Variants in ZNF277 observed in about 807,000 individuals in gnomAD.
The protein encoded by ZNF277 is zinc finger protein 277.
A neutral mutation model predicts 60.7 loss-of-function variants in ZNF277; 55 were observed. That is an observed-to-expected ratio of 0.91 (90% confidence interval 0.73 to 1.13). ZNF277 has a LOEUF of 1.13. Ranked by LOEUF, ZNF277 falls within the 50% of genes most tolerant of loss-of-function variation. The probability of loss-of-function intolerance (pLI) is 0.00; values close to 1 mark genes in which losing one functional copy is unlikely to be tolerated. For missense variants in ZNF277, 510 were observed against 523.0 expected, an observed-to-expected ratio of 0.98 and a Z score of 0.24; for synonymous variants, 178 against 179.3, an observed-to-expected ratio of 0.99 and a Z score of 0.06.
intron 2 of ZNF277, among the ~76,000 whole-genome samples, chr7:112,289,356 C>G (rs1005611700): frequency 6.6e-6 from 1 of 152,148 alleles, no homozygotes; most frequent in Admixed American, 6.6e-5. Context: ...TGCCTTATAT[C>G]GACTCAGCAC....
intron 1 of ZNF277, among the ~76,000 whole-genome samples, chr7:112,237,999 G>A (rs1341220856): frequency 6.6e-6 from 1 of 152,152 alleles, no homozygotes; most frequent in Non-Finnish European, 1.5e-5. Flanking sequence ...AGGAGGCTGA[G>A]GAAGATGGAT....
chr7:112,258,421 T>A (rs1791372285), intron 1 of ZNF277, among the ~76,000 whole-genome samples: 2 of 152,182 alleles, frequency 1.3e-5, no homozygotes, highest in South Asian at 2.1e-4. Flanking sequence ...CAGAATATAC[T>A]TGTACTATGC....
chr7:112,231,656 G>A (rs1455105613), intron 1 of ZNF277, among the ~76,000 whole-genome samples: 1 of 149,934 alleles, frequency 6.7e-6, no homozygotes, highest in Non-Finnish European at 1.5e-5. Context: ...ATACTCCATT[G>A]CCTATGAGTG....
chr7:112,219,274 T>TTG (rs1821965984), intron 1 of ZNF277, among the ~76,000 whole-genome samples: 1 of 152,204 alleles, frequency 6.6e-6, no homozygotes, highest in African/African-American at 2.4e-5. Context: ...TTTGGGGTCG[T>TTG]GTACAAAAAA....
At chr7:112,275,352 G>C (rs1791768720) in intron 1 of ZNF277, among the ~76,000 whole-genome samples, 2 of 152,148 alleles carry the variant, frequency 1.3e-5, no homozygotes, top group African/African-American at 4.8e-5. Context: ...AGTATCTTCA[G>C]TAGTGCACAG....
At chr7:112,220,138 C>G (rs967157775) in intron 1 of ZNF277, among the ~76,000 whole-genome samples, 2 of 152,182 alleles carry the variant, frequency 1.3e-5, no homozygotes, top group African/African-American at 4.8e-5. Flanking sequence ...CTGTAGATCA[C>G]TTTGAGTACT....
At chr7:112,309,047 G>C (rs1792663868) in intron 4 of ZNF277, among the ~76,000 whole-genome samples, 1 of 152,032 alleles carries the variant, frequency 6.6e-6, no homozygotes, top group Non-Finnish European at 1.5e-5. Flanking sequence ...GTATAAGAGA[G>C]GGTACCTTTT....
chr7:112,240,207 A>C (rs1309532825), intron 1 of ZNF277, among the ~76,000 whole-genome samples: 1 of 152,198 alleles, frequency 6.6e-6, no homozygotes, highest in Admixed American at 6.5e-5. Context: ...GGAAGACTAC[A>C]AAACAATCAG....
chr7:112,314,683 C>T (rs1362885117), intron 4 of ZNF277, among the ~76,000 whole-genome samples: 3 of 152,042 alleles, frequency 2.0e-5, no homozygotes, highest in South Asian at 4.2e-4. Context: ...GTAGTCCCAG[C>T]TACTTGGGAT....
At chr7:112,254,673 A>G (rs1331304488) in intron 1 of ZNF277, among the ~76,000 whole-genome samples, 2 of 152,230 alleles carry the variant, frequency 1.3e-5, no homozygotes, top group African/African-American at 4.8e-5. Context: ...AAGTGTAAGA[A>G]AAAGCCAAGT....
intron 1 of ZNF277, among the ~76,000 whole-genome samples, chr7:112,285,434 A>C (rs868623893): frequency 7.8e-6 from 1 of 127,510 alleles, no homozygotes; most frequent in African/African-American, 3.1e-5. Context: ...AAAATAGGAA[A>C]TTTTTTTTTT....
In ZNF277 at chr7:112,296,216, A is replaced by C; in HGVS notation, c.383-13A>C. ...TATCTGTTTTCTTATTTGTTTTCCTAATCTCTCAACAGAAGAACAAGAGAA... is the reference window on the plus strand; with the variant it reads ...TATCTGTTTTCTTATTTGTTTTCCTCATCTCTCAACAGAAGAACAAGAGAA... On this transcript the variant is annotated splice_polypyrimidine_tract_variant and intron_variant, in intron 3 of 11. Coordinates refer to ENST00000361822, the MANE Select transcript of ZNF277 (RefSeq NM_021994.3). 6.6e-7 allele frequency: 1 copy of C among 1,522,808 alleles called. No homozygotes were observed. The highest frequency in any genetic ancestry group is 1.2e-5 in the South Asian group (1 of 84,078). 94.3% of individuals were successfully genotyped at this position (1,522,808 alleles called of 1,614,324 possible). A position where few individuals can be genotyped will look rare whatever the true frequency, so the allele number is the denominator to read the frequency against.
chr7:112,277,704 T>C (rs979160089), intron 1 of ZNF277, among the ~76,000 whole-genome samples: 1 of 152,232 alleles, frequency 6.6e-6, no homozygotes, highest in African/African-American at 2.4e-5. Flanking sequence ...ATAGAGCATT[T>C]TTTTCATCAC....
chr7:112,278,419 C>G (rs1465768050), intron 1 of ZNF277, among the ~76,000 whole-genome samples: 2 of 152,162 alleles, frequency 1.3e-5, no homozygotes, highest in Admixed American at 1.3e-4. Flanking sequence ...TAATAGATAT[C>G]AGTGCATATG....
Position 112,299,385 on chromosome 7 carries a change from G to T in ZNF277, c.465+3074G>T, listed in dbSNP as rs924138696. Among the ~76,000 whole-genome samples the T allele has an allele frequency of 2.6e-5, 4 of 152,300 alleles. No homozygotes were observed. The South Asian group carries it at 8.3e-4, about 32-fold the overall frequency. On this transcript the variant is annotated intron_variant, in intron 4 of 11. Coordinates refer to ENST00000361822, the MANE Select transcript of ZNF277 (RefSeq NM_021994.3). ...AAATAATAGTACTAAATGGTGGCAAGAATGTTAAGAGACAAGTACTTCTTC... is the reference window on the plus strand; with the variant it reads ...AAATAATAGTACTAAATGGTGGCAATAATGTTAAGAGACAAGTACTTCTTC...
chr7:112,339,391 T>C (rs10282279), intron 9 of ZNF277, among the ~76,000 whole-genome samples: 7,947 of 152,306 alleles, frequency 0.052, 288 homozygotes, highest in Admixed American at 0.12. Context: ...CGATCTCAGC[T>C]CACTGCAACC....
chr7:112,276,691 C>T (rs1477808653), intron 1 of ZNF277, among the ~76,000 whole-genome samples: 1 of 152,066 alleles, frequency 6.6e-6, no homozygotes, highest in African/African-American at 2.4e-5. Context: ...TAGTAAATTG[C>T]TGTGTTTATG....
intron 1 of ZNF277, among the ~76,000 whole-genome samples, chr7:112,273,919 C>G (rs376715117): frequency 1.3e-5 from 2 of 151,962 alleles, no homozygotes; most frequent in African/African-American, 4.8e-5. Context: ...TGAGTATCAG[C>G]TAAGACTTGC....
chr7:112,327,326 A>G (rs1305367030), intron 5 of ZNF277, among the ~76,000 whole-genome samples: 2 of 152,292 alleles, frequency 1.3e-5, no homozygotes, highest in East Asian at 1.9e-4. Context: ...TCGCGCTCCT[A>G]TGAGAATCTA....
Sources: gnomAD v4.1 joint callset for allele counts (sites outside exome capture counted in the v4.1 genomes callset) on GRCh38, gnomAD v4.1.1 for gene constraint, MANE v1.5 for transcripts, NCBI Gene and HGNC (gene_info 2026-07-23, HGNC 2026-07-21) for gene names.